The following C13orf42 variants were observed in gnomAD, a reference collection of about 807,000 sequenced individuals.
C13orf42 encodes the protein uncharacterized protein C13orf42.
intron 1 of C13orf42, among the ~76,000 whole-genome samples, chr13:51,153,630 C>CTTTTTTTTTTTTTTTTTTTTTTTTTT (rs1206289963): frequency 1.2e-4 from 10 of 81,206 alleles, no homozygotes; most frequent in Non-Finnish European, 1.7e-4. Flanking sequence ...TGTTTTTTTT[C>CTTTTTTTTTTTTTTTTTTTTTTTTTT]TTTTTTTTTT....
In C13orf42 at chr13:51,153,630, C is replaced by CTTTTTTTTTTTT. The variant is rs1206289963; in HGVS notation, n.136+18611_136+18622dup. Among the ~76,000 whole-genome samples the CTTTTTTTTTTTT allele has an allele frequency of 2.5e-3, 206 of 81,260 alleles. 4 individuals are homozygous for CTTTTTTTTTTTT. Among genetic ancestry groups the CTTTTTTTTTTTT allele is most frequent in the Middle Eastern group, 9.1e-3 (1 of 110 alleles). The allele number at this position is 81,260 out of a possible 152,430, so 53.3% of individuals were successfully genotyped here. On this transcript the variant is annotated intron_variant and non_coding_transcript_variant, in intron 1 of 4. Coordinates refer to the C13orf42 transcript ENST00000433280. ...CATTTTCTTGCTTTCTGTTTTTTTT[C>CTTTTTTTTTTTT]TTTTTTTTTTTTTTTTTTTTTTTTT...
rs1029635074 is a variant in C13orf42 at position 51,123,860 on chromosome 13, G to A, written n.137-10638C>T. Among the ~76,000 whole-genome samples the A allele has an allele frequency of 2.6e-5, 4 of 152,068 alleles. No individual in the cohort carries two copies. In the South Asian group the frequency reaches 8.3e-4, roughly 32 times the overall value. ...TCTAAACAGTCCTTGTTCATCCCTG[G>A]GCGTAGTCTGAACTAGCCTTCGGAA... On this transcript the variant is annotated intron_variant and non_coding_transcript_variant, in intron 1 of 4. Coordinates refer to the C13orf42 transcript ENST00000433280.
At chr13:51,123,449 T>C (rs1467734220) in intron 1 of C13orf42, among the ~76,000 whole-genome samples, 1 of 152,170 alleles carries the variant, frequency 6.6e-6, no homozygotes, top group Non-Finnish European at 1.5e-5. Context: ...TGCTCACACT[T>C]TGTGGACCAA....
intron 2 of C13orf42, among the ~76,000 whole-genome samples, chr13:51,085,777 C>G (rs768298009): frequency 6.6e-6 from 1 of 152,178 alleles, no homozygotes; most frequent in Non-Finnish European, 1.5e-5. Context: ...AGGCCAGGTG[C>G]GGGGGCTCAC....
intron 1 of C13orf42, among the ~76,000 whole-genome samples, chr13:51,169,923 G>C (rs1036090823): frequency 6.6e-6 from 1 of 152,174 alleles, no homozygotes; most frequent in African/African-American, 2.4e-5. Context: ...GCATGTATAC[G>C]CCCAGATGGC....
intron 1 of C13orf42, among the ~76,000 whole-genome samples, chr13:51,153,908 C>T (rs1391692400): frequency 6.6e-6 from 1 of 152,060 alleles, no homozygotes; most frequent in African/African-American, 2.4e-5. Flanking sequence ...GCTGAGATTA[C>T]AGGATTGAGC....
chr13:51,137,560 C>T (rs1480943427), intron 1 of C13orf42, among the ~76,000 whole-genome samples: 2 of 152,324 alleles, frequency 1.3e-5, no homozygotes, highest in East Asian at 3.9e-4. Context: ...GTCCTTTTGT[C>T]TCCCACTCTC....
At chr13:51,133,482 AT>A (rs1349943397) in intron 1 of C13orf42, among the ~76,000 whole-genome samples, 15 of 152,302 alleles carry the variant, frequency 9.8e-5, no homozygotes, top group Middle Eastern at 3.4e-3. Flanking sequence ...AGTTATGTAT[AT>A]TTTATCACAA....
At chr13:51,171,343 T>C (rs1953949309) in intron 1 of C13orf42, among the ~76,000 whole-genome samples, 1 of 152,124 alleles carries the variant, frequency 6.6e-6, no homozygotes, top group South Asian at 2.1e-4. Context: ...TGTCGTAAAA[T>C]AGGCAAACGG....
intron 1 of C13orf42, among the ~76,000 whole-genome samples, chr13:51,123,988 C>CTGGT (rs1953556558): frequency 6.6e-6 from 1 of 152,202 alleles, no homozygotes; most frequent in African/African-American, 2.4e-5. Context: ...TAAATATTAC[C>CTGGT]AGCCATTATT....
At position 51,153,035 on chromosome 13, in the gene C13orf42, C is replaced by T. The variant is rs185195766; in HGVS notation, n.136+19218G>A. 3.9e-5 allele frequency among the ~76,000 whole-genome samples: 6 copies of T among 152,242 alleles called. No individual in the cohort carries two copies. In the East Asian group the frequency reaches 1.2e-3, roughly 29 times the overall value. ...CTGTATACAGTGCACTTGCCCAGCC[C>T]CACACACAGAAGGGATTGAGGTTTA... On this transcript the variant is annotated intron_variant and non_coding_transcript_variant, in intron 1 of 4. Coordinates refer to the C13orf42 transcript ENST00000433280.
At chr13:51,118,023 G>A (rs9568523) in intron 1 of C13orf42, among the ~76,000 whole-genome samples, 126,016 of 152,122 alleles carry the variant, frequency 0.83, 52,279 homozygotes, top group South Asian at 0.94. Flanking sequence ...ATCACCTCCC[G>A]TTGACCAGAA....
At chr13:51,152,313 A>G (rs1343469466) in intron 1 of C13orf42, among the ~76,000 whole-genome samples, 1 of 152,180 alleles carries the variant, frequency 6.6e-6, no homozygotes, top group Non-Finnish European at 1.5e-5. Context: ...GCTTTATTTT[A>G]TAAACACTTG....
intron 1 of C13orf42, among the ~76,000 whole-genome samples, chr13:51,130,766 A>G (rs1953610399): frequency 6.6e-6 from 1 of 152,180 alleles, no homozygotes; most frequent in Non-Finnish European, 1.5e-5. Flanking sequence ...AAAGTCACTA[A>G]GAGTTAACAT....
chr13:51,122,828 G>T (rs1011780702), intron 1 of C13orf42, among the ~76,000 whole-genome samples: 3 of 152,062 alleles, frequency 2.0e-5, no homozygotes, highest in Non-Finnish European at 4.4e-5. Context: ...TCTTGTTTCT[G>T]ATTATCATGT....
intron 1 of C13orf42, among the ~76,000 whole-genome samples, chr13:51,125,461 T>C (rs574410563): frequency 6.6e-6 from 1 of 152,258 alleles, no homozygotes; most frequent in Admixed American, 6.5e-5. Context: ...ACTTTTAAAC[T>C]CCCTTTGAGT....
At chr13:51,140,457 G>A (rs886617041) in intron 1 of C13orf42, among the ~76,000 whole-genome samples, 5 of 152,060 alleles carry the variant, frequency 3.3e-5, no homozygotes, top group Admixed American at 2.6e-4. Flanking sequence ...TTCATATTTT[G>A]GTAACCATGG....
At chr13:51,113,418 T>G (rs1953454205), upstream of C13orf42, among the ~76,000 whole-genome samples, 2 of 152,194 alleles carry the variant, frequency 1.3e-5, no homozygotes, top group South Asian at 4.1e-4. Context: ...AAGAATGCTT[T>G]CTCCCTACAA....
intron 1 of C13orf42, among the ~76,000 whole-genome samples, chr13:51,166,818 C>T (rs1166496668): frequency 6.6e-6 from 1 of 152,150 alleles, no homozygotes; most frequent in Admixed American, 6.5e-5. Flanking sequence ...GTGGTTCACG[C>T]CTGTAATCCA....
Sources: allele counts gnomAD v4.1 joint callset (sites outside exome capture counted in the v4.1 genomes callset), GRCh38; gene constraint gnomAD v4.1.1; transcripts MANE v1.5; gene names NCBI Gene and HGNC (gene_info 2026-07-23, HGNC 2026-07-21).